EYA4: variants seen among roughly 807,000 people sequenced by gnomAD.
EYA4 encodes the protein protein phosphatase EYA4.
Under a neutral mutation model 87.9 loss-of-function variants are expected in EYA4, and 31 were observed. The observed-to-expected ratio is 0.35, with a 90% CI of 0.27 to 0.48. EYA4 has a LOEUF of 0.48. EYA4 is among the 20% of genes least tolerant of loss of function. The pLI is 0.99. For missense variants in EYA4, 678 were observed against 761.4 expected (o/e 0.89, Z 1.29); for synonymous variants, 263 against 270.6 (o/e 0.97, Z 0.28).
At position 133,531,230 on chromosome 6, in the gene EYA4, C is replaced by T. The variant is rs114670853; in HGVS notation, c.*2425C>T. 5.6e-4 allele frequency: 851 copies of T among 1,533,212 alleles called. 5 individuals carry two copies. The African/African-American group carries it at 1.0e-2, about 18-fold the overall frequency. 95.0% of individuals were successfully genotyped at this position (1,533,212 alleles called of 1,614,324 possible). A position where few individuals can be genotyped will look rare whatever the true frequency, so the allele number is the denominator to read the frequency against. On this transcript the variant is annotated 3_prime_UTR_variant, in exon 20 of 20. Coordinates refer to ENST00000355286, the MANE Select transcript of EYA4 (RefSeq NM_004100.5). The stretch of plus-strand genomic sequence containing the variant: ...TCAGAAGAGGCTGCCGGCATAAAAC[C>T]TAAATGCAAGGTTGACGGAGAACAG...
intron 3 of EYA4, among the ~76,000 whole-genome samples, chr6:133,410,824 G>A (rs1789158353): frequency 6.6e-6 from 1 of 151,804 alleles, no homozygotes; most frequent in African/African-American, 2.4e-5. Flanking sequence ...ATTCATCCTT[G>A]GCATTGTTGC....
chr6:133,302,051 G>A (rs890333902), intron 2 of EYA4, among the ~76,000 whole-genome samples: 4 of 152,090 alleles, frequency 2.6e-5, no homozygotes, highest in African/African-American at 9.7e-5. Flanking sequence ...GGGAAGTGAG[G>A]ACAGAATTTG....
intron 2 of EYA4, among the ~76,000 whole-genome samples, chr6:133,315,580 G>A (rs575790229): frequency 5.3e-5 from 8 of 152,244 alleles, no homozygotes; most frequent in Admixed American, 2.0e-4. Context: ...TGCAAGAAAC[G>A]CGCCACTGAT....
chr6:133,372,555 T>C (rs1336333517), intron 2 of EYA4, among the ~76,000 whole-genome samples: 1 of 151,734 alleles, frequency 6.6e-6, no homozygotes, highest in Non-Finnish European at 1.5e-5. Flanking sequence ...TCAGATTCAA[T>C]CCAGCATGCT....
At chr6:133,333,418 A>G (rs1782132638) in intron 2 of EYA4, among the ~76,000 whole-genome samples, 1 of 152,202 alleles carries the variant, frequency 6.6e-6, no homozygotes, top group African/African-American at 2.4e-5. Flanking sequence ...GAGGACTGAC[A>G]CATGAGAAAG....
chr6:133,468,309 C>A (rs1346557021), intron 10 of EYA4, among the ~76,000 whole-genome samples: 1 of 152,024 alleles, frequency 6.6e-6, no homozygotes, highest in Admixed American at 6.6e-5. Context: ...CAAAGTGAAG[C>A]ATATGCTAAC....
At chr6:133,416,018 G>A (rs1036022086) in intron 3 of EYA4, among the ~76,000 whole-genome samples, 3 of 152,170 alleles carry the variant, frequency 2.0e-5, no homozygotes, top group Non-Finnish European at 4.4e-5. Context: ...AAAGAGGTAA[G>A]GTTTTCCGAG....
At position 133,278,393 on chromosome 6, in the gene EYA4, C is replaced by A. The variant is rs1777352983; in HGVS notation, c.33+3580C>A. 2.0e-5 allele frequency among the ~76,000 whole-genome samples: 3 copies of A among 152,172 alleles called. No homozygotes were observed. The South Asian group carries it at 6.2e-4, about 31-fold the overall frequency. The stretch of plus-strand genomic sequence containing the variant: ...CAGCACTTACCCTACAGGACTGAAA[C>A]CCTATCTGTTTACTTGCCTATCTCA... On this transcript the variant is annotated intron_variant, in intron 2 of 19. Coordinates refer to ENST00000355286, the MANE Select transcript of EYA4 (RefSeq NM_004100.5).
intron 2 of EYA4, among the ~76,000 whole-genome samples, chr6:133,347,078 T>TG (rs955101907): frequency 6.6e-6 from 1 of 152,152 alleles, no homozygotes; most frequent in African/African-American, 2.4e-5. Context: ...AATTCTGTCA[T>TG]GGGGAGGGCT....
intron 3 of EYA4, among the ~76,000 whole-genome samples, chr6:133,390,948 A>G (rs1280475439): frequency 1.3e-5 from 2 of 152,166 alleles, no homozygotes; most frequent in African/African-American, 4.8e-5. Flanking sequence ...AATGAAGGAA[A>G]GAGAACTCAC....
intron 13 of EYA4, among the ~76,000 whole-genome samples, chr6:133,495,235 TTCC>T (rs1328555461): frequency 6.6e-6 from 1 of 151,842 alleles, no homozygotes; most frequent in South Asian, 2.1e-4. Context: ...CTCCACTGCA[TTCC>T]AGCCTGGGCA....
intron 3 of EYA4, among the ~76,000 whole-genome samples, chr6:133,418,984 A>T (rs1049633575): frequency 3.9e-5 from 6 of 152,178 alleles, no homozygotes; most frequent in Non-Finnish European, 8.8e-5. Flanking sequence ...GGCCACTGTT[A>T]TATTGTCTAA....
chr6:133,515,238 A>G (rs1562508581), intron 16 of EYA4, 83 bp from the exon 17 acceptor site: 1 of 785,094 alleles, frequency 1.3e-6, no homozygotes, highest in Non-Finnish European at 2.3e-6. Flanking sequence ...AAAATGATCT[A>G]TTCCAGACAG....
At position 133,294,280 on chromosome 6, in the gene EYA4, A is replaced by G. The variant is rs530538956; in HGVS notation, c.33+19467A>G. 1.4e-4 allele frequency among the ~76,000 whole-genome samples: 21 copies of G among 149,686 alleles called. No individual in the cohort carries two copies. The East Asian group carries it at 4.1e-3, about 29-fold the overall frequency. On this transcript the variant is annotated intron_variant, in intron 2 of 19. Transcript: ENST00000355286. ...GAAATAACTACATAGGACACAATGTATATGCTTTAGTCCACTGAGGAAATA... is the reference window on the plus strand; with the variant it reads ...GAAATAACTACATAGGACACAATGTGTATGCTTTAGTCCACTGAGGAAATA...
intron 2 of EYA4, among the ~76,000 whole-genome samples, chr6:133,337,296 G>C (rs1782441957): frequency 6.6e-6 from 1 of 152,164 alleles, no homozygotes; most frequent in Non-Finnish European, 1.5e-5. Flanking sequence ...ATACCAGGAT[G>C]CTAGGATGAG....
intron 2 of EYA4, among the ~76,000 whole-genome samples, chr6:133,294,982 C>T (rs1371147174): frequency 6.6e-6 from 1 of 152,036 alleles, no homozygotes; most frequent in Non-Finnish European, 1.5e-5. Flanking sequence ...TTCTTTTGCT[C>T]TAGTGTAATA....
chr6:133,356,789 GTGTATA>G (rs1461264416), intron 2 of EYA4, among the ~76,000 whole-genome samples: 23 of 85,542 alleles, frequency 2.7e-4, no homozygotes, highest in African/African-American at 1.1e-3. Flanking sequence ...GTGTGTGTGT[GTGTATA>G]TATATATTTT....
Position 133,530,311 on chromosome 6 carries a change from G to C in EYA4, c.*1506G>C. ...CAACGGATGGCATTCATTACAAGAA[G>C]AGCCCATCATCGTTGTGTTTGCATG... On this transcript the variant is annotated 3_prime_UTR_variant, in exon 20 of 20. Transcript: ENST00000355286. 1.0e-6 allele frequency: 1 copy of C among 985,424 alleles called. No individual in the cohort carries two copies. The highest frequency in any genetic ancestry group is 1.7e-5 in the African/African-American group (1 of 57,346). 61.0% of individuals were successfully genotyped at this position (985,424 alleles called of 1,614,324 possible). A position where few individuals can be genotyped will look rare whatever the true frequency, so the allele number is the denominator to read the frequency against.
chr6:133,264,510 C>T (rs187124580), intron 1 of EYA4, among the ~76,000 whole-genome samples: 3 of 152,320 alleles, frequency 2.0e-5, no homozygotes, highest in Non-Finnish European at 2.9e-5. Flanking sequence ...ACAATGATGG[C>T]GGAACGCCTG....
Sources: allele counts gnomAD v4.1 joint callset (sites outside exome capture counted in the v4.1 genomes callset), GRCh38; gene constraint gnomAD v4.1.1; transcripts MANE v1.5; gene names NCBI Gene and HGNC (gene_info 2026-07-23, HGNC 2026-07-21).